PADI4: variants seen among roughly 807,000 people sequenced by gnomAD.
PADI4 encodes protein-arginine deiminase type-4.
In PADI4, 62 loss-of-function variants were observed where a neutral mutation model predicts 75.0. The observed-to-expected ratio is 0.83, with a 90% CI of 0.67 to 1.02. The LOEUF (loss-of-function observed/expected upper bound fraction) is 1.02, where lower values mean the gene tolerates loss of function less well. Ranked by LOEUF, PADI4 falls within the 50% of genes least tolerant of loss-of-function variation. The probability of loss-of-function intolerance (pLI) is 0.00; values close to 1 mark genes in which losing one functional copy is unlikely to be tolerated. For missense variants in PADI4, 845 were observed against 850.5 expected (o/e 0.99, Z 0.08); for synonymous variants, 361 against 348.1 (o/e 1.04, Z -0.41).
At chr1:17,328,466 C>T (rs1285277781) in intron 1 of PADI4, among the ~76,000 whole-genome samples, 1 of 151,950 alleles carries the variant, frequency 6.6e-6, no homozygotes, top group Non-Finnish European at 1.5e-5. Context: ...GGTAACATAG[C>T]GAGACTCTGT....
At chr1:17,348,146 G>A (rs1570070699) in intron 10 of PADI4, 98 bp downstream of exon 10, 1 of 722,464 alleles carries the variant, frequency 1.4e-6, no homozygotes, top group Non-Finnish European at 2.5e-6. Flanking sequence ...GCCTGTAGCT[G>A]AGTAGCCCAG....
At chr1:17,351,957 G>GGA (rs1491372108) in intron 10 of PADI4, among the ~76,000 whole-genome samples, 3 of 96,634 alleles carry the variant, frequency 3.1e-5, no homozygotes, top group Non-Finnish European at 6.6e-5. Flanking sequence ...GGAGGTGGGA[G>GGA]GAGAGGCGGC....
chr1:17,356,285 C>T lies in PADI4; in HGVS notation c.1456-72C>T. 1 of 1,288,536 alleles carries T rather than the reference C, an allele frequency of 7.8e-7. No homozygotes were observed. The highest frequency in any genetic ancestry group is 1.4e-5 in the South Asian group (1 of 73,550). 79.8% of individuals were successfully genotyped at this position (1,288,536 alleles called of 1,614,324 possible). ...GGTCCAAGTCCACACTACTCCCACC[C>T]TCAGCAGATCCACCCTCGTTGGGAG... On this transcript the variant is annotated intron_variant, in intron 12 of 15. Coordinates refer to ENST00000375448, the MANE Select transcript of PADI4 (RefSeq NM_012387.3). This position sits in a 1 kb window ranked among gnomAD's most constrained non-coding sequence, Gnocchi z 4.1.
Position 17,346,220 on chromosome 1 carries a change from G to T in PADI4, c.1047+81G>T. ...GGGGGACCCGGGCTCCTGGGGTTCA[G>T]CCTGGTGCCTCACCGGCCACTCTTC... On this transcript the variant is annotated intron_variant, in intron 9 of 15. Coordinates refer to ENST00000375448, the MANE Select transcript of PADI4 (RefSeq NM_012387.3). This position sits in a 1 kb window ranked among gnomAD's most constrained non-coding sequence, Gnocchi z 4.3. The T allele has an allele frequency of 1.2e-6, 1 of 825,460 alleles. No homozygotes were observed. The highest frequency in any genetic ancestry group is 2.2e-5 in the Admixed American group (1 of 45,004). 51.1% of individuals were successfully genotyped at this position (825,460 alleles called of 1,614,324 possible).
chr1:17,331,843 G>A lies in PADI4; in HGVS notation c.273+694G>A, dbSNP rs553169995. On this transcript the variant is annotated intron_variant, in intron 2 of 15. Transcript: ENST00000375448. The stretch of plus-strand genomic sequence containing the variant: ...TGAGGCAGGAGAATCTCTTGAACCC[G>A]GGAGGGGGAGGTTTCAGTGAGCCAA... 2.9e-3 allele frequency among the ~76,000 whole-genome samples: 443 copies of A among 152,190 alleles called. 4 individuals carry two copies. In the Middle Eastern group the frequency reaches 0.041, roughly 14 times the overall value.
rs770988694 is a variant in PADI4, at chr1:17,347,898, C to T, written c.1048-43C>T. On this transcript the variant is annotated intron_variant, in intron 9 of 15. Coordinates refer to ENST00000375448, the MANE Select transcript of PADI4 (RefSeq NM_012387.3). ...CATCCTGGCGTCGGGCACCAAGACC[C>T]AGGCAGCACGCGCAACAGCCTCCTC... 5 of 1,197,380 alleles carry T rather than the reference C, an allele frequency of 4.2e-6. No individual in the cohort carries two copies. The South Asian group carries it at 6.2e-5, about 15-fold the overall frequency. 74.2% of individuals were successfully genotyped at this position (1,197,380 alleles called of 1,614,324 possible). A position where few individuals can be genotyped will look rare whatever the true frequency, so the allele number is the denominator to read the frequency against.
intron 15 of PADI4, among the ~76,000 whole-genome samples, chr1:17,360,291 G>C (rs139294904): frequency 6.8e-6 from 1 of 146,830 alleles, no homozygotes; most frequent in Non-Finnish European, 1.5e-5. Flanking sequence ...ACTTTGTCTC[G>C]GGAAAAAAAA....
intron 1 of PADI4, among the ~76,000 whole-genome samples, chr1:17,325,221 T>C (rs2074098571): frequency 6.6e-6 from 1 of 152,202 alleles, no homozygotes; most frequent in African/African-American, 2.4e-5. Flanking sequence ...TTCCTAACCA[T>C]ATACATAGTA....
At chr1:17,337,756 A>T (rs1223496882) in intron 4 of PADI4, among the ~76,000 whole-genome samples, 1 of 151,948 alleles carries the variant, frequency 6.6e-6, no homozygotes, top group Non-Finnish European at 1.5e-5. Flanking sequence ...CTCTACTAAA[A>T]ATACAAAAAT....
chr1:17,361,740 C>T (rs1557586613), intron 15 of PADI4, among the ~76,000 whole-genome samples: 1 of 152,230 alleles, frequency 6.6e-6, no homozygotes, highest in Admixed American at 6.5e-5. Context: ...CCACATAGGC[C>T]TACAGCCAAA....
rs568049862 is a variant in PADI4, at chr1:17,319,288, T to TGGC, written c.92+10976_92+10978dup. ...TAGGATCAAGAGAGAGACAGAGGCA[T>TGGC]GGCGTGGTGGCTCATGTCTGTAATC... On this transcript the variant is annotated intron_variant, in intron 1 of 15. Coordinates refer to ENST00000375448, the MANE Select transcript of PADI4 (RefSeq NM_012387.3). Among the ~76,000 whole-genome samples, 410 of 152,166 alleles carry TGGC rather than the reference T, an allele frequency of 2.7e-3. 4 individuals are homozygous for TGGC. Among genetic ancestry groups the TGGC allele is most frequent in the African/African-American group, 9.3e-3 (384 of 41,510 alleles).
chr1:17,313,176 C>T (rs1019367853), intron 1 of PADI4, among the ~76,000 whole-genome samples: 1 of 150,604 alleles, frequency 6.6e-6, no homozygotes, highest in Non-Finnish European at 1.5e-5. Context: ...GGCGACAGAG[C>T]GAGACTCTGC....
chr1:17,313,408 C>T (rs1048639939), intron 1 of PADI4, among the ~76,000 whole-genome samples: 5 of 116,472 alleles, frequency 4.3e-5, no homozygotes, highest in Non-Finnish European at 8.4e-5. Context: ...GGCTGAGGCA[C>T]GAGAATTGCT....
intron 1 of PADI4, among the ~76,000 whole-genome samples, chr1:17,316,099 C>T (rs555163161): frequency 6.6e-6 from 1 of 151,976 alleles, no homozygotes; most frequent in African/African-American, 2.4e-5. Flanking sequence ...CCATTTATGT[C>T]GATAACACTC....
At chr1:17,332,540 G>T (rs958364934) in intron 2 of PADI4, among the ~76,000 whole-genome samples, 2 of 152,132 alleles carry the variant, frequency 1.3e-5, no homozygotes, top group African/African-American at 2.4e-5. Context: ...ATGAGCCACC[G>T]CATCTGGTCT....
At chr1:17,350,805 T>C (rs1460162817) in intron 10 of PADI4, among the ~76,000 whole-genome samples, 1 of 129,780 alleles carries the variant, frequency 7.7e-6, no homozygotes, top group African/African-American at 2.5e-5. Context: ...GTCCCTGACC[T>C]CACGGAGGGG....
At position 17,348,058 on chromosome 1, in the gene PADI4, T is replaced by G. The variant is rs778805300; in HGVS notation, c.1155+10T>G. The G allele has an allele frequency of 5.2e-6, 8 of 1,542,970 alleles. No individual in the cohort carries two copies. The East Asian group carries it at 6.8e-5, about 13-fold the overall frequency. The stretch of plus-strand genomic sequence containing the variant: ...CATCAAACGCGTGATGGTACCTGCA[T>G]GGGGTGGGGAGGGGGCACAGCTGCC... On this transcript the variant is annotated intron_variant, in intron 10 of 15. Coordinates refer to ENST00000375448, the MANE Select transcript of PADI4 (RefSeq NM_012387.3).
At position 17,331,004 on chromosome 1, in the gene PADI4, A is replaced by G; in HGVS notation, c.128A>G (p.Asn43Ser). ...APEDCTSFSI[N>S]ASPGVVVDIA... ...GAGGACTGCACGTCCTTCAGCATCA[A>G]CGCCTCCCCAGGGGTGGTCGTGGAT... The change falls in exon 2 of 16, where the codon AAC becomes AGC. Residue 43 changes from asparagine to serine, a missense_variant. By Grantham distance (46) the Asn-to-Ser change is conservative (BLOSUM62 1). Transcript: ENST00000375448. The G allele has an allele frequency of 1.3e-6, 2 of 1,594,570 alleles. No individual in the cohort carries two copies. The highest frequency in any genetic ancestry group is 8.5e-7 in the Non-Finnish European group (1 of 1,172,562).
intron 1 of PADI4, among the ~76,000 whole-genome samples, chr1:17,317,757 G>A (rs142712602): frequency 0.012 from 1,751 of 151,838 alleles, 39 homozygotes; most frequent in African/African-American, 0.04. Context: ...ACTGTGGCTT[G>A]CGCCTGTAAT....
Sources: gnomAD v4.1 joint callset for allele counts (sites outside exome capture counted in the v4.1 genomes callset) on GRCh38, gnomAD v4.1.1 for gene constraint, Gnocchi (gnomAD v3.1) non-coding constraint, MANE v1.5 for transcripts, NCBI Gene and HGNC (gene_info 2026-07-23, HGNC 2026-07-21) for gene names.